The following PDPN variants were observed in gnomAD, a reference collection of about 807,000 sequenced individuals.
PDPN encodes the protein PA2.26 antigen.
In PDPN, 12 loss-of-function variants were observed where a neutral mutation model predicts 23.2. The observed-to-expected ratio is 0.52, with a 90% CI of 0.33 to 0.84. The LOEUF is 0.84. Ranked by LOEUF, PDPN falls within the 40% of genes least tolerant of loss-of-function variation. The pLI, the probability that PDPN is intolerant of heterozygous loss-of-function variation, is 0.02. For missense variants in PDPN, 199 were observed against 212.2 expected (o/e 0.94, Z 0.39); for synonymous variants, 77 against 76.7 (o/e 1.00, Z -0.02).
At chr1:13,595,703 G>T in intron 1 of PDPN, 1 of 454,490 alleles carries the variant, frequency 2.2e-6, no homozygotes, top group Non-Finnish European at 4.3e-6. Flanking sequence ...TCCCACAGGG[G>T]TTGACAGGAC....
At chr1:13,599,104 G>C (rs1356980644) in intron 1 of PDPN, among the ~76,000 whole-genome samples, 1 of 149,900 alleles carries the variant, frequency 6.7e-6, no homozygotes, top group African/African-American at 2.5e-5. Flanking sequence ...TCCGCCTCCA[G>C]GGTTCAAGGG....
At chr1:13,593,771 C>G (rs1047804561) in intron 1 of PDPN, among the ~76,000 whole-genome samples, 1 of 152,186 alleles carries the variant, frequency 6.6e-6, no homozygotes, top group Non-Finnish European at 1.5e-5. Context: ...AAGTGCTTCC[C>G]AAACACACCC....
chr1:13,609,094 C>T (rs940807041), intron 2 of PDPN, among the ~76,000 whole-genome samples: 3 of 152,162 alleles, frequency 2.0e-5, no homozygotes, highest in Non-Finnish European at 2.9e-5. Flanking sequence ...TGAGAATTGT[C>T]TGGCTGCTTT....
intron 4 of PDPN, 98 bp from the exon 5 acceptor site, chr1:13,614,202 T>C: frequency 3.0e-6 from 2 of 668,258 alleles, no homozygotes; most frequent in East Asian, 2.6e-5. Flanking sequence ...ATATTTGCTA[T>C]GTGCAGTAGG....
At chr1:13,600,206 C>T (rs1640607578) in intron 1 of PDPN, among the ~76,000 whole-genome samples, 1 of 152,076 alleles carries the variant, frequency 6.6e-6, no homozygotes, top group Non-Finnish European at 1.5e-5. Context: ...GATCTCAGAA[C>T]CCAGGGAGGG....
At chr1:13,595,877 A>T (rs1570025150) in intron 1 of PDPN, 1 of 1,288,478 alleles carries the variant, frequency 7.8e-7, no homozygotes, top group Non-Finnish European at 1.0e-6. Flanking sequence ...AGCGGCAGGG[A>T]CATCATAAAT....
At chr1:13,612,821 G>A (rs1173024214) in intron 3 of PDPN, among the ~76,000 whole-genome samples, 1 of 152,082 alleles carries the variant, frequency 6.6e-6, no homozygotes, top group African/African-American at 2.4e-5. Context: ...GAAGCTACTG[G>A]ATATCTGGGG....
chr1:13,608,053 C>G (rs879784474), intron 2 of PDPN, among the ~76,000 whole-genome samples: 1 of 151,984 alleles, frequency 6.6e-6, no homozygotes, highest in Admixed American at 6.6e-5. Flanking sequence ...TGCAGTGAGC[C>G]GAGATCGCAC....
At chr1:13,584,169 G>T in intron 1 of PDPN, 69 bp downstream of exon 1, 1 of 1,565,774 alleles carries the variant, frequency 6.4e-7, no homozygotes. Flanking sequence ...TTGCTGGAAT[G>T]CCCGGGCCTG....
At chr1:13,598,363 C>T (rs1640551909) in intron 1 of PDPN, among the ~76,000 whole-genome samples, 1 of 152,090 alleles carries the variant, frequency 6.6e-6, no homozygotes, top group African/African-American at 2.4e-5. Context: ...AAATGCTCCC[C>T]AGCCATCACC....
chr1:13,585,490 C>A, intron 1 of PDPN: 1 of 1,337,892 alleles, frequency 7.5e-7, no homozygotes, highest in Non-Finnish European at 9.8e-7. Context: ...GCAAATGACA[C>A]CGTTTTGTGC....
At chr1:13,587,921 C>T (rs556775577) in intron 1 of PDPN, among the ~76,000 whole-genome samples, 9 of 152,248 alleles carry the variant, frequency 5.9e-5, no homozygotes, top group Middle Eastern at 6.8e-3. Flanking sequence ...GAGTGTCAGC[C>T]GAAAGAGGTA....
rs953051512 is a variant in PDPN at position 13,616,272 on chromosome 1, G to C, written c.*361G>C. 1.5e-5 allele frequency: 4 copies of C among 273,432 alleles called. No homozygotes were observed. The highest frequency in any genetic ancestry group is 2.8e-5 in the Non-Finnish European group (4 of 144,134). 16.9% of individuals were successfully genotyped at this position (273,432 alleles called of 1,614,324 possible). ...CATGTGTCTCCGTCTGACCATTCTT[G>C]TTATTGTTAAAATGCAGAGGAATCT... On this transcript the variant is annotated 3_prime_UTR_variant, in exon 6 of 6. Transcript: ENST00000621990.
intron 2 of PDPN, among the ~76,000 whole-genome samples, chr1:13,607,982 G>A (rs897441052): frequency 5.9e-5 from 9 of 152,250 alleles, no homozygotes; most frequent in Admixed American, 5.2e-4. Context: ...GTGTGCACCT[G>A]TGATCCCAGC....
chr1:13,609,936 C>A (rs1273492374), intron 2 of PDPN, among the ~76,000 whole-genome samples: 1 of 151,976 alleles, frequency 6.6e-6, no homozygotes, highest in South Asian at 2.1e-4. Flanking sequence ...TGGTGGCGGG[C>A]GCCTGTAATC....
chr1:13,587,073 A>G lies in PDPN; in HGVS notation c.67+2973A>G, dbSNP rs141312226. ...TCAAAAATATATATAAAAACAAAGT[A>G]AAGAGGTTGAACTTGAAATTAAAGG... On this transcript the variant is annotated intron_variant, in intron 1 of 5. Coordinates refer to ENST00000621990, the MANE Select transcript of PDPN (RefSeq NM_006474.5). Among the ~76,000 whole-genome samples, 34 of 152,350 alleles carry G rather than the reference A, an allele frequency of 2.2e-4. 1 individual carries two copies. The East Asian group carries it at 6.6e-3, about 29-fold the overall frequency.
At chr1:13,586,763 T>TAAAAA (rs34131450) in intron 1 of PDPN, among the ~76,000 whole-genome samples, 1 of 125,474 alleles carries the variant, frequency 8.0e-6, no homozygotes, top group African/African-American at 3.0e-5. Flanking sequence ...ACTCTGCCAT[T>TAAAAA]AAAAAAAAAA....
At chr1:13,602,314 C>T (rs1454432449) in intron 1 of PDPN, among the ~76,000 whole-genome samples, 2 of 150,556 alleles carry the variant, frequency 1.3e-5, no homozygotes, top group African/African-American at 4.9e-5. Context: ...GGCGACAGAG[C>T]AAGACTCCGT....
intron 4 of PDPN, 118 bp downstream of exon 4, chr1:13,613,843 G>C: frequency 5.4e-6 from 2 of 372,848 alleles, no homozygotes; most frequent in East Asian, 6.5e-5. Flanking sequence ...GAGCAGAATA[G>C]AAAACATTCC....
Sources: allele counts gnomAD v4.1 joint callset (sites outside exome capture counted in the v4.1 genomes callset), GRCh38; gene constraint gnomAD v4.1.1; transcripts MANE v1.5; gene names NCBI Gene and HGNC (gene_info 2026-07-23, HGNC 2026-07-21).